Variants in PHLDB2 observed in about 807,000 individuals in gnomAD.
PHLDB2 encodes the protein pleckstrin homology-like domain family B member 2.
Under a neutral mutation model 123.6 loss-of-function variants are expected in PHLDB2, and 71 were observed. The ratio of observed to expected loss-of-function variants is 0.57; its 90% CI spans 0.47 to 0.70. The LOEUF is 0.70. Ranked by LOEUF, PHLDB2 falls within the 30% of genes least tolerant of loss-of-function variation. The pLI, the probability that PHLDB2 is intolerant of heterozygous loss-of-function variation, is 0.00. For missense variants in PHLDB2, 1,446 were observed against 1,519.5 expected (o/e 0.95, Z 0.80); for synonymous variants, 547 against 541.6 (o/e 1.01, Z -0.14).
chr3:111,740,764 A>G (rs966528190), intron 1 of PHLDB2, among the ~76,000 whole-genome samples: 1 of 152,142 alleles, frequency 6.6e-6, no homozygotes, highest in African/African-American at 2.4e-5. Flanking sequence ...GGAAGAGGAC[A>G]GGCTTATGAT....
chr3:111,845,312 G>T (rs566879783), intron 1 of PHLDB2, among the ~76,000 whole-genome samples: 3 of 115,662 alleles, frequency 2.6e-5, no homozygotes, highest in African/African-American at 1.0e-4. Flanking sequence ...CCAAGATCAC[G>T]CCACTGCACT....
intron 3 of PHLDB2, among the ~76,000 whole-genome samples, chr3:111,918,015 C>A (rs1263846914): frequency 6.6e-6 from 1 of 151,940 alleles, no homozygotes; most frequent in Non-Finnish European, 1.5e-5. Context: ...AAAATTACTT[C>A]TTTTTCAAAA....
At chr3:111,814,171 T>A (rs1309220724) in intron 1 of PHLDB2, among the ~76,000 whole-genome samples, 1 of 152,150 alleles carries the variant, frequency 6.6e-6, no homozygotes, top group Non-Finnish European at 1.5e-5. Flanking sequence ...ATCTTGGGTG[T>A]GTCTGTGAGG....
chr3:111,845,709 T>C (rs1053666339), intron 1 of PHLDB2: 4 of 1,235,678 alleles, frequency 3.2e-6, no homozygotes, highest in African/African-American at 3.0e-5. Context: ...GTAGTTAGTT[T>C]CCCCGGATGT....
chr3:111,816,980 T>C (rs1343880186), intron 1 of PHLDB2, among the ~76,000 whole-genome samples: 1 of 152,218 alleles, frequency 6.6e-6, no homozygotes, highest in Non-Finnish European at 1.5e-5. Flanking sequence ...GGAGTTTCCC[T>C]GCACAAGCTC....
intron 5 of PHLDB2, among the ~76,000 whole-genome samples, chr3:111,925,349 G>A (rs1246970626): frequency 1.3e-5 from 2 of 152,146 alleles, no homozygotes; most frequent in African/African-American, 4.8e-5. Context: ...GCAGTTTCCT[G>A]CACTGGCCTT....
chr3:111,741,814 T>A (rs2059609213), intron 1 of PHLDB2, among the ~76,000 whole-genome samples: 1 of 152,236 alleles, frequency 6.6e-6, no homozygotes, highest in Non-Finnish European at 1.5e-5. Context: ...CACTACAAGA[T>A]CCTTCAGCAT....
intron 10 of PHLDB2, 25 bp from the exon 11 acceptor site, chr3:111,952,547 T>G: frequency 6.3e-7 from 1 of 1,599,844 alleles, no homozygotes. Context: ...AGTTTTGCTA[T>G]TTTGCTTTGC....
At chr3:111,824,113 C>T (rs141244632) in intron 1 of PHLDB2, among the ~76,000 whole-genome samples, 274 of 152,334 alleles carry the variant, frequency 1.8e-3, no homozygotes, top group African/African-American at 6.3e-3. Flanking sequence ...TCTCTCCTTG[C>T]TTTGAAAAGC....
At chr3:111,909,019 C>G (rs1268849227) in intron 2 of PHLDB2, among the ~76,000 whole-genome samples, 1 of 152,256 alleles carries the variant, frequency 6.6e-6, no homozygotes, top group South Asian at 2.1e-4. Flanking sequence ...TCCTCTTCCC[C>G]CAAAAGACCC....
At chr3:111,967,654 A>G (rs1268942576) in intron 14 of PHLDB2, 24 bp from the exon 15 acceptor site, 17 of 1,582,112 alleles carry the variant, frequency 1.1e-5, no homozygotes, top group African/African-American at 1.4e-5. Context: ...TTTTAAAATA[A>G]TCATTGTTAT....
intron 1 of PHLDB2, among the ~76,000 whole-genome samples, chr3:111,834,838 C>A (rs56154506): frequency 5.5e-4 from 83 of 152,162 alleles, no homozygotes; most frequent in African/African-American, 2.0e-3. Context: ...ATCCCCTTGG[C>A]TATATTTTTA....
At chr3:111,828,618 T>C (rs1290068233) in intron 1 of PHLDB2, among the ~76,000 whole-genome samples, 1 of 152,104 alleles carries the variant, frequency 6.6e-6, no homozygotes, top group Non-Finnish European at 1.5e-5. Context: ...AGGGAGACCC[T>C]GTCTCTACAA....
Position 111,885,289 on chromosome 3 carries a change from C to T in PHLDB2, c.1212C>T (p.Thr404=), listed in dbSNP as rs201280788. The change falls in exon 2 of 18, where the codon ACC becomes ACT. Residue 404 remains threonine, a synonymous_variant. Coordinates refer to ENST00000431670, the MANE Select transcript of PHLDB2 (RefSeq NM_001134438.2). ...AAAGCCTCAGACAGGCCTCAGGAAC[C>T]CCCCAGCCTGCCCTTCGGGAACGGA... ...DLESLRQASG[T]PQPALRERKS... is the part of the protein sequence containing the mutation. The T allele has an allele frequency of 6.2e-7, 1 of 1,614,176 alleles. No individual in the cohort carries two copies. Among genetic ancestry groups the T allele is most frequent in the South Asian group, 1.1e-5 (1 of 91,078 alleles).
chr3:111,874,255 G>A (rs978754598), intron 1 of PHLDB2, among the ~76,000 whole-genome samples: 30 of 151,962 alleles, frequency 2.0e-4, no homozygotes, highest in African/African-American at 6.5e-4. Flanking sequence ...CACTGGATTC[G>A]CCCCACTCTG....
intron 13 of PHLDB2, 86 bp from the exon 14 acceptor site, chr3:111,966,508 TGTGTGTGTGTGTGTCTGGG>T (rs2071769129): frequency 9.2e-6 from 5 of 542,196 alleles, no homozygotes; most frequent in Non-Finnish European, 1.5e-5. Flanking sequence ...CCCATGTGTG[TGTGTGTGTGTGTGTCTGGG>T]GTGTGTGTGT....
intron 1 of PHLDB2, among the ~76,000 whole-genome samples, chr3:111,807,403 C>T (rs146770950): frequency 6.6e-6 from 1 of 152,170 alleles, no homozygotes; most frequent in East Asian, 1.9e-4. Context: ...TAAACATTGA[C>T]TTATTTAAAT....
At chr3:111,756,967 A>C (rs1576521804) in intron 1 of PHLDB2, among the ~76,000 whole-genome samples, 1 of 152,218 alleles carries the variant, frequency 6.6e-6, no homozygotes. Flanking sequence ...AAGAATGTTG[A>C]ATATTGGCCC....
rs6763390 is a variant in PHLDB2, at chr3:111,975,935, G to A, written c.*1372G>A. On this transcript the variant is annotated 3_prime_UTR_variant, in exon 18 of 18. Transcript: ENST00000431670. Reference sequence around the variant, plus strand: ...AATTTGCAGTGTGGTTTGTATACACGTATACGTGTTATCAATAATAAGATT... The same window carrying A: ...AATTTGCAGTGTGGTTTGTATACACATATACGTGTTATCAATAATAAGATT... 0.2 allele frequency: 30,472 copies of A among 152,550 alleles called. 3,134 individuals are homozygous for A. Among genetic ancestry groups the A allele is most frequent in the Middle Eastern group, 0.28 (83 of 294 alleles). 9.4% of individuals were successfully genotyped at this position (152,550 alleles called of 1,614,324 possible). A position where few individuals can be genotyped will look rare whatever the true frequency, so the allele number is the denominator to read the frequency against.
Sources: gnomAD v4.1 joint callset for allele counts (sites outside exome capture counted in the v4.1 genomes callset) on GRCh38, gnomAD v4.1.1 for gene constraint, MANE v1.5 for transcripts, NCBI Gene and HGNC (gene_info 2026-07-23, HGNC 2026-07-21) for gene names.